RNF19A: variants seen among roughly 807,000 people sequenced by gnomAD.
RNF19A encodes the protein E3 ubiquitin-protein ligase RNF19A.
RNF19A carries 32 observed loss-of-function variants against 75.7 expected under a neutral mutation model. The observed-to-expected ratio is 0.42, with a 90% CI of 0.32 to 0.57. RNF19A has a LOEUF of 0.57. Ranked by LOEUF, RNF19A falls within the 20% of genes least tolerant of loss-of-function variation. RNF19A has a pLI of 0.10. For synonymous variants in RNF19A, 335 were observed against 345.2 expected, an observed-to-expected ratio of 0.97 and a Z score of 0.33; for missense variants, 782 against 1,036.3, an observed-to-expected ratio of 0.75 and a Z score of 3.37.
rs1404887899 is a variant in RNF19A at position 100,325,654 on chromosome 8, T to C, written c.-243+10454A>G. On this transcript the variant is annotated intron_variant, in intron 1 of 3. Transcript: ENST00000519527. The surrounding 1 kb of genome is among the most constrained non-coding windows in gnomAD (Gnocchi z 4.3). ...TGGCCCCATCCCACAGTAGGGAAGA[T>C]TGAACACAACTTAACAGACCGATTA... Among the ~76,000 whole-genome samples the C allele has an allele frequency of 3.3e-5, 5 of 152,178 alleles. No homozygotes were observed. Among genetic ancestry groups the C allele is most frequent in the Admixed American group, 3.3e-4 (5 of 15,276 alleles).
chr8:100,305,289 G>C (rs1822019055), intron 1 of RNF19A, among the ~76,000 whole-genome samples: 2 of 152,188 alleles, frequency 1.3e-5, no homozygotes, highest in South Asian at 4.1e-4. Context: ...CAGGTAGCCT[G>C]ACTTTCAATC....
Position 100,275,281 on chromosome 8 carries a change from G to T in RNF19A, c.675-120C>A. ...TTTTCTATTTATACATTAGCAAACA[G>T]TCATAAGCACAATCTCACCAATATA... is the stretch of plus-strand genomic sequence containing the variant. On this transcript the variant is annotated intron_variant, in intron 2 of 9. Coordinates refer to ENST00000341084, the MANE Select transcript of RNF19A (RefSeq NM_183419.4). The surrounding 1 kb of genome is among the most constrained non-coding windows in gnomAD (Gnocchi z 4.3). 1 of 753,178 alleles carries T rather than the reference G, an allele frequency of 1.3e-6. No homozygotes were observed. The highest frequency in any genetic ancestry group is 2.1e-6 in the Non-Finnish European group (1 of 465,392). 46.7% of individuals were successfully genotyped at this position (753,178 alleles called of 1,614,324 possible).
Position 100,288,106 on chromosome 8 carries a change from G to A in RNF19A, c.69C>T (p.Val23=). Residue 23 remains valine (V), a synonymous_variant, in exon 2 of 10, where the codon GTC becomes GTT. Transcript: ENST00000341084. ...NEGLCVNTDP[V]SILTSILDMS... ...TGTCTAAAATGCTTGTTAGAATTGA[G>A]ACAGGGTCAGTGTTTACACACAGCC... is the stretch of plus-strand genomic sequence containing the variant. The A allele has an allele frequency of 6.2e-7, 1 of 1,614,112 alleles. No individual in the cohort carries two copies. Among genetic ancestry groups the A allele is most frequent in the Non-Finnish European group, 8.5e-7 (1 of 1,180,012 alleles).
chr8:100,330,930 T>A lies in RNF19A; in HGVS notation c.-243+5178A>T, dbSNP rs577028380. ...GACTGGCTCCAAGGCTCTGAGCTGGTCTTTCTGAAATCTGACTCCCTTGTA... is the reference window on the plus strand; with the variant it reads ...GACTGGCTCCAAGGCTCTGAGCTGGACTTTCTGAAATCTGACTCCCTTGTA... On this transcript the variant is annotated intron_variant, in intron 1 of 3. Transcript: ENST00000519527. This position sits in a 1 kb window ranked among gnomAD's most constrained non-coding sequence, Gnocchi z 4.1. Among the ~76,000 whole-genome samples the A allele has an allele frequency of 3.3e-5, 5 of 152,228 alleles. No individual in the cohort carries two copies. The highest frequency in any genetic ancestry group is 7.3e-5 in the Non-Finnish European group (5 of 68,042).
intron 1 of RNF19A, among the ~76,000 whole-genome samples, chr8:100,298,244 CA>C (rs1167692388): frequency 1.4e-5 from 2 of 145,320 alleles, no homozygotes; most frequent in Non-Finnish European, 3.0e-5. Context: ...GAAATAAAAA[CA>C]AATGCTTGGC....
upstream of RNF19A, among the ~76,000 whole-genome samples, chr8:100,314,027 A>G (rs1005966611): frequency 2.0e-5 from 3 of 151,394 alleles, no homozygotes; most frequent in Admixed American, 1.3e-4. The surrounding 1 kb of genome is among the most constrained non-coding windows in gnomAD (Gnocchi z 4.1). Flanking sequence ...GACTTCAGGC[A>G]CATGCCACCA....
intron 3 of RNF19A, among the ~76,000 whole-genome samples, chr8:100,272,463 A>T (rs1343958956): frequency 6.6e-6 from 1 of 152,198 alleles, no homozygotes; most frequent in Admixed American, 6.5e-5. Flanking sequence ...AATATCTGGA[A>T]TAATAATAAA....
At chr8:100,304,826 G>C (rs1408701400) in intron 1 of RNF19A, among the ~76,000 whole-genome samples, 2 of 152,200 alleles carry the variant, frequency 1.3e-5, no homozygotes, top group Non-Finnish European at 2.9e-5. Flanking sequence ...GCTCTGACTA[G>C]TTACTAATAA....
chr8:100,276,497 A>AT (rs1820520254), intron 2 of RNF19A, among the ~76,000 whole-genome samples: 1 of 152,106 alleles, frequency 6.6e-6, no homozygotes, highest in Non-Finnish European at 1.5e-5. Flanking sequence ...CACACCTGTA[A>AT]TCCCAGCACT....
intron 1 of RNF19A, among the ~76,000 whole-genome samples, chr8:100,289,878 T>C (rs1821207042): frequency 6.6e-6 from 1 of 152,144 alleles, no homozygotes; most frequent in Non-Finnish European, 1.5e-5. Flanking sequence ...ATTCAAAATA[T>C]TGGAAACAAC....
At chr8:100,292,435 G>GGGGT (rs137938989) in intron 1 of RNF19A, among the ~76,000 whole-genome samples, 6,245 of 145,368 alleles carry the variant, frequency 0.043, 143 homozygotes, top group African/African-American at 0.06. Flanking sequence ...CTATCATATG[G>GGGGT]GTGTGTGTGT....
At chr8:100,326,805 A>C (rs1822539698) in intron 1 of RNF19A, among the ~76,000 whole-genome samples, 1 of 152,254 alleles carries the variant, frequency 6.6e-6, no homozygotes, top group African/African-American at 2.4e-5. Flanking sequence ...TATCAAACAC[A>C]AAACTGTATT....
At chr8:100,270,785 T>C (rs1200084454) in intron 3 of RNF19A, among the ~76,000 whole-genome samples, 1 of 152,166 alleles carries the variant, frequency 6.6e-6, no homozygotes, top group Non-Finnish European at 1.5e-5. Flanking sequence ...TTTTATTCAT[T>C]TATTCACCCA....
intron 7 of RNF19A, 44 bp downstream of exon 7, chr8:100,263,990 C>T: frequency 1.3e-6 from 2 of 1,560,390 alleles, no homozygotes; most frequent in South Asian, 1.2e-5. Context: ...CCACTACTTA[C>T]ACTGTTAATA....
rs1173751161 is a variant in RNF19A at position 100,324,897 on chromosome 8, CT to C, written c.-243+11210del. Among the ~76,000 whole-genome samples the C allele has an allele frequency of 6.8e-6, 1 of 147,788 alleles. No individual in the cohort carries two copies. Among genetic ancestry groups the C allele is most frequent in the Non-Finnish European group, 1.5e-5 (1 of 67,004 alleles). On this transcript the variant is annotated intron_variant, in intron 1 of 3. Coordinates refer to the RNF19A transcript ENST00000519527. This position sits in a 1 kb window ranked among gnomAD's most constrained non-coding sequence, Gnocchi z 4.2. The stretch of plus-strand genomic sequence containing the variant: ...CTTTTTTTTCTTTCTTTCTCTCTCT[CT>C]CTTTCTCTCTTTCTTTCTTTCTTTT...
At chr8:100,293,895 G>C (rs1821423782) in intron 1 of RNF19A, among the ~76,000 whole-genome samples, 1 of 152,048 alleles carries the variant, frequency 6.6e-6, no homozygotes, top group Non-Finnish European at 1.5e-5. Context: ...AATCCATCCA[G>C]TGAAATTTTC....
In RNF19A at chr8:100,258,523, T is replaced by G; in HGVS notation, c.*33A>C. ...GTTCAACCAGCTCCAAACACGGTTG[T>G]ACAGTGGTAATTATTCTGCAGCATT... On this transcript the variant is annotated 3_prime_UTR_variant, in exon 10 of 10. Coordinates refer to ENST00000341084, the MANE Select transcript of RNF19A (RefSeq NM_183419.4). The surrounding 1 kb of genome is among the most constrained non-coding windows in gnomAD (Gnocchi z 4.3). 6.5e-7 allele frequency: 1 copy of G among 1,539,432 alleles called. No homozygotes were observed.
At chr8:100,280,821 G>C (rs1820748947) in intron 2 of RNF19A, among the ~76,000 whole-genome samples, 1 of 152,170 alleles carries the variant, frequency 6.6e-6, no homozygotes, top group South Asian at 2.1e-4. Context: ...AGATTGTCAG[G>C]CCTCTTGAAG....
At chr8:100,310,192 T>A (rs1352068754), upstream of RNF19A, 16 of 985,362 alleles carry the variant, frequency 1.6e-5, no homozygotes, top group East Asian at 1.5e-3. Flanking sequence ...GCCGCCCGCG[T>A]GCTGTGCGTC....
Sources: allele counts gnomAD v4.1 joint callset (sites outside exome capture counted in the v4.1 genomes callset), GRCh38; gene constraint gnomAD v4.1.1; non-coding constraint Gnocchi (gnomAD v3.1); transcripts MANE v1.5; gene names NCBI Gene and HGNC (gene_info 2026-07-23, HGNC 2026-07-21).